Variants in ZNF420 observed in about 807,000 individuals in gnomAD.
ZNF420 encodes zinc finger protein 420, also known as ATM and p53-associated KZNF protein.
A neutral mutation model predicts 44.7 loss-of-function variants in ZNF420; 31 were observed. The ratio of observed to expected loss-of-function variants is 0.69; its 90% CI spans 0.52 to 0.94. ZNF420 has a LOEUF of 0.94. Ranked by LOEUF, ZNF420 falls within the 40% of genes least tolerant of loss-of-function variation. The pLI is 0.00. For missense variants in ZNF420, 681 were observed against 827.9 expected (o/e 0.82, Z 2.18); for synonymous variants, 245 against 267.4 (o/e 0.92, Z 0.82).
At chr19:37,050,116 TA>T (rs1441090714) in intron 1 of ZNF420, among the ~76,000 whole-genome samples, 3 of 152,222 alleles carry the variant, frequency 2.0e-5, no homozygotes, top group Non-Finnish European at 2.9e-5. Context: ...TTGGTTACTG[TA>T]GCCTTGTAAT....
At chr19:37,032,323 T>C (rs1301414928) in intron 1 of ZNF420, among the ~76,000 whole-genome samples, 5 of 148,696 alleles carry the variant, frequency 3.4e-5, no homozygotes, top group Non-Finnish European at 7.4e-5. Context: ...AGAGCAAGAC[T>C]CTGTTAAAAA....
intron 3 of ZNF420, among the ~76,000 whole-genome samples, chr19:37,090,181 C>T (rs1380392236): frequency 6.6e-6 from 1 of 152,152 alleles, no homozygotes; most frequent in Non-Finnish European, 1.5e-5. Flanking sequence ...CCAGACTTAT[C>T]TGTAAAGTAA....
At position 37,127,886 on chromosome 19, in the gene ZNF420, A is replaced by G; in HGVS notation, c.895A>G (p.Arg299Gly). The G allele has an allele frequency of 6.2e-7, 1 of 1,614,104 alleles. No individual in the cohort carries two copies. The highest frequency in any genetic ancestry group is 8.5e-7 in the Non-Finnish European group (1 of 1,179,976). ...TQLSQLILHK[R>G]IHTGEKPYEC... ...GCTCTCACAACTTATTCTGCATAAGAGAATTCATACCGGTGAGAAACCCTA... is the reference window on the plus strand; with the variant it reads ...GCTCTCACAACTTATTCTGCATAAGGGAATTCATACCGGTGAGAAACCCTA... The change falls in exon 5 of 5, where the codon AGA becomes GGA. Residue 299 changes from arginine to glycine, a missense_variant. Physicochemically the swap from Arg to Gly is moderately radical, Grantham distance 125 (BLOSUM62 -2). This residue lies in a region of ZNF420 where 350 missense variants were observed against 382.5 expected (regional missense o/e 0.92). Transcript: ENST00000337995.
upstream of ZNF420, among the ~76,000 whole-genome samples, chr19:37,074,325 C>T (rs184852099): frequency 1.1e-3 from 166 of 152,268 alleles, no homozygotes; most frequent in Non-Finnish European, 2.1e-3. Flanking sequence ...AGGAAGAACA[C>T]ACCAGCATTC....
intron 4 of ZNF420, among the ~76,000 whole-genome samples, chr19:37,104,983 G>A (rs1442244689): frequency 6.6e-6 from 1 of 152,128 alleles, no homozygotes; most frequent in Non-Finnish European, 1.5e-5. Context: ...CTTTTGCTGT[G>A]CAGAAGCTCT....
rs373709600 is a variant in ZNF420 at position 37,130,162 on chromosome 19, C to T, written c.*1104C>T. 1.3e-6 allele frequency: 2 copies of T among 1,550,402 alleles called. No individual in the cohort carries two copies. Among genetic ancestry groups the T allele is most frequent in the Non-Finnish European group, 1.7e-6 (2 of 1,146,940 alleles). ...ATCTAAGCTGGAGCTCCGTTACTCT[C>T]ATGGGGACTTTGAGAATGGTATCTG... On this transcript the variant is annotated 3_prime_UTR_variant, in exon 5 of 5. Coordinates refer to ENST00000337995, the MANE Select transcript of ZNF420 (RefSeq NM_144689.5).
At chr19:37,114,804 AT>A (rs1323593939) in intron 4 of ZNF420, among the ~76,000 whole-genome samples, 2 of 152,202 alleles carry the variant, frequency 1.3e-5, no homozygotes, top group African/African-American at 4.8e-5. Flanking sequence ...AGCTACTTTA[AT>A]AATGGCCCAA....
chr19:37,118,459 C>A (rs550266213), intron 4 of ZNF420, among the ~76,000 whole-genome samples: 1 of 152,190 alleles, frequency 6.6e-6, no homozygotes, highest in Admixed American at 6.5e-5. Flanking sequence ...TAAAAGAGCT[C>A]CTGAAGGAAA....
chr19:37,078,765 G>C (rs1398418841), intron 1 of ZNF420, among the ~76,000 whole-genome samples, 195 bp downstream of exon 1: 1 of 152,222 alleles, frequency 6.6e-6, no homozygotes, highest in African/African-American at 2.4e-5. Flanking sequence ...TTGTGACTCT[G>C]AGGGTGTTTG....
Position 37,030,389 on chromosome 19 carries a change from C to T in ZNF420, c.-125+22307C>T, listed in dbSNP as rs996891148. 2.6e-5 allele frequency among the ~76,000 whole-genome samples: 4 copies of T among 152,324 alleles called. 1 individual carries two copies. The South Asian group carries it at 6.2e-4, about 24-fold the overall frequency. ...TGTTAGCCAGGCTGGTCTTGAGCTT[C>T]TGACCTCCTGATCCTCCCACCTTGG... On this transcript the variant is annotated intron_variant, in intron 1 of 4. Coordinates refer to the ZNF420 transcript ENST00000587029.
intron 4 of ZNF420, among the ~76,000 whole-genome samples, chr19:37,118,313 A>G (rs934411077): frequency 1.3e-5 from 2 of 152,218 alleles, no homozygotes; most frequent in African/African-American, 2.4e-5. Flanking sequence ...AAGGGGGGCC[A>G]ATATTCAACA....
At chr19:37,025,127 A>G (rs1014525086) in intron 1 of ZNF420, 28 of 355,166 alleles carry the variant, frequency 7.9e-5, no homozygotes, top group African/African-American at 5.5e-4. Context: ...TCACATTCCA[A>G]ACATTTATAG....
intron 4 of ZNF420, among the ~76,000 whole-genome samples, chr19:37,095,111 TAGAG>T (rs989743186): frequency 2.1e-4 from 30 of 141,650 alleles, no homozygotes; most frequent in African/African-American, 6.6e-4. Context: ...AGCCTAGTGA[TAGAG>T]AGAGACTCTG....
At chr19:37,052,050 A>G (rs888402888) in intron 1 of ZNF420, among the ~76,000 whole-genome samples, 6 of 152,142 alleles carry the variant, frequency 3.9e-5, no homozygotes, top group Non-Finnish European at 5.9e-5. Context: ...GTGCTCCTGT[A>G]TTGGATGCAT....
chr19:37,068,908 G>A (rs948091316), intron 1 of ZNF420, among the ~76,000 whole-genome samples: 1 of 152,066 alleles, frequency 6.6e-6, no homozygotes, highest in South Asian at 2.1e-4. Context: ...TTTCCATGAA[G>A]ATATAAAAAT....
At chr19:37,032,481 G>T (rs1172054628) in intron 1 of ZNF420, among the ~76,000 whole-genome samples, 1 of 145,568 alleles carries the variant, frequency 6.9e-6, no homozygotes, top group Non-Finnish European at 1.5e-5. Flanking sequence ...TCCAGCCTGC[G>T]CAGCAGAGTG....
intron 1 of ZNF420, among the ~76,000 whole-genome samples, chr19:37,014,593 C>T (rs1159308381): frequency 2.0e-5 from 3 of 152,210 alleles, no homozygotes; most frequent in South Asian, 2.1e-4. Context: ...AAGCCGCCGC[C>T]GGTCCATCTC....
intron 1 of ZNF420, among the ~76,000 whole-genome samples, chr19:37,059,645 G>T (rs562378572): frequency 1.3e-5 from 2 of 152,128 alleles, no homozygotes; most frequent in African/African-American, 2.4e-5. Flanking sequence ...CGCAAAAGTC[G>T]TGCCCGCCGT....
intron 1 of ZNF420, among the ~76,000 whole-genome samples, chr19:37,022,956 C>T (rs1301500667): frequency 2.0e-5 from 3 of 151,960 alleles, no homozygotes; most frequent in Non-Finnish European, 4.4e-5. Flanking sequence ...ACCAACATGG[C>T]GAAACCCAAT....
Sources: gnomAD v4.1 joint callset for allele counts (sites outside exome capture counted in the v4.1 genomes callset) on GRCh38, gnomAD v4.1.1 for gene constraint, gnomAD v4.1.1 regional missense constraint, MANE v1.5 for transcripts, NCBI Gene and HGNC (gene_info 2026-07-23, HGNC 2026-07-21) for gene names.